SMAP1: variants seen among roughly 807,000 people sequenced by gnomAD.
SMAP1 encodes the protein small ArfGAP 1.
A neutral mutation model predicts 58.5 loss-of-function variants in SMAP1; 24 were observed. The observed-to-expected ratio is 0.41, with a 90% CI of 0.30 to 0.58. The LOEUF is 0.58. Among genes scored for constraint, SMAP1 ranks in the 20% least tolerant of loss-of-function variants. SMAP1 has a pLI of 0.29. For synonymous variants in SMAP1, 216 were observed against 196.6 expected (o/e 1.10, Z -0.82); for missense variants, 563 against 566.3 (o/e 0.99, Z 0.06).
At chr6:70,806,563 C>A (rs992764951) in intron 6 of SMAP1, among the ~76,000 whole-genome samples, 1 of 152,174 alleles carries the variant, frequency 6.6e-6, no homozygotes, top group Non-Finnish European at 1.5e-5. Flanking sequence ...GTTGGAAATG[C>A]AGAAATCACC....
intron 3 of SMAP1, among the ~76,000 whole-genome samples, chr6:70,763,216 A>G (rs961987507): frequency 2.1e-5 from 3 of 142,958 alleles, no homozygotes; most frequent in Non-Finnish European, 4.5e-5. Flanking sequence ...TTGGGTCTCC[A>G]TGTCACACTT....
At chr6:70,784,401 G>A (rs1375874139) in intron 4 of SMAP1, among the ~76,000 whole-genome samples, 1 of 152,122 alleles carries the variant, frequency 6.6e-6, no homozygotes, top group African/African-American at 2.4e-5. Flanking sequence ...CAACTAACAA[G>A]CAAAATAACC....
At chr6:70,802,872 G>A (rs12203443) in intron 6 of SMAP1, among the ~76,000 whole-genome samples, 66,807 of 151,792 alleles carry the variant, frequency 0.44, 14,973 homozygotes, top group South Asian at 0.5. Context: ...GATCGTGGTG[G>A]ATAAGCTTTT....
At chr6:70,847,328 C>T (rs1156446504) in intron 7 of SMAP1, among the ~76,000 whole-genome samples, 1 of 152,136 alleles carries the variant, frequency 6.6e-6, no homozygotes, top group African/African-American at 2.4e-5. Context: ...GCCTTCTGTT[C>T]TTGGAAGTTG....
intron 2 of SMAP1, among the ~76,000 whole-genome samples, chr6:70,746,858 T>G (rs969109592): frequency 6.6e-6 from 1 of 152,174 alleles, no homozygotes; most frequent in African/African-American, 2.4e-5. Flanking sequence ...GAGGCTGATT[T>G]AAGTCTAAAT....
At chr6:70,771,509 T>C (rs897673284) in intron 3 of SMAP1, among the ~76,000 whole-genome samples, 4 of 152,200 alleles carry the variant, frequency 2.6e-5, no homozygotes, top group African/African-American at 9.6e-5. Context: ...CTCAGATTGC[T>C]GTGCCAGCAA....
At chr6:70,859,540 C>CT (rs1771608108) in intron 10 of SMAP1, 2 of 620,608 alleles carry the variant, frequency 3.2e-6, no homozygotes, top group Non-Finnish European at 5.3e-6. Flanking sequence ...CAGTCTAACT[C>CT]TGAGTGTAAG....
At chr6:70,767,511 A>G (rs1345075846) in intron 3 of SMAP1, among the ~76,000 whole-genome samples, 5 of 152,134 alleles carry the variant, frequency 3.3e-5, no homozygotes, top group African/African-American at 1.2e-4. Context: ...CTTTGAAGCA[A>G]TTGTGCATGG....
In SMAP1 at chr6:70,860,066, A is replaced by G. The variant is rs1022171172; in HGVS notation, c.1270-134A>G. The G allele has an allele frequency of 1.5e-5, 15 of 969,186 alleles. No homozygotes were observed. In the Admixed American group the frequency reaches 2.9e-4, roughly 18 times the overall value. The allele number at this position is 969,186 out of a possible 1,614,324, so 60.0% of individuals were successfully genotyped here. A position where few individuals can be genotyped will look rare whatever the true frequency, so the allele number is the denominator to read the frequency against. On this transcript the variant is annotated intron_variant, in intron 10 of 10. Coordinates refer to ENST00000370455, the MANE Select transcript of SMAP1 (RefSeq NM_001044305.3). ...GCTATTTGCTTTAAGAAATATTTGT[A>G]TGGTACTCTGTTTTTATTCCAGTGC...
At chr6:70,802,733 T>C (rs545370735) in intron 6 of SMAP1, among the ~76,000 whole-genome samples, 7 of 152,282 alleles carry the variant, frequency 4.6e-5, no homozygotes, top group East Asian at 3.9e-4. Context: ...TGAATTTTGT[T>C]GAAGGCCTTT....
chr6:70,684,162 A>G (rs1766837092), intron 1 of SMAP1, among the ~76,000 whole-genome samples: 1 of 152,240 alleles, frequency 6.6e-6, no homozygotes. Flanking sequence ...AGTAATGTAA[A>G]CATGTTTTCA....
intron 4 of SMAP1, among the ~76,000 whole-genome samples, chr6:70,781,380 A>C (rs1767758284): frequency 1.3e-5 from 2 of 152,104 alleles, no homozygotes; most frequent in Admixed American, 1.3e-4. Context: ...TAATTTAGTA[A>C]ATGTTTACGT....
intron 2 of SMAP1, among the ~76,000 whole-genome samples, chr6:70,737,836 A>T (rs923160267): frequency 1.3e-5 from 2 of 152,150 alleles, no homozygotes; most frequent in Non-Finnish European, 2.9e-5. Flanking sequence ...CTGTATTTTT[A>T]TATAGTCTCT....
intron 1 of SMAP1, among the ~76,000 whole-genome samples, chr6:70,695,700 G>C (rs1767373550): frequency 6.6e-6 from 1 of 152,126 alleles, no homozygotes; most frequent in Non-Finnish European, 1.5e-5. Flanking sequence ...ATTTTGTTGA[G>C]GATTTTTGCG....
At chr6:70,761,852 C>T (rs997779331) in intron 3 of SMAP1, among the ~76,000 whole-genome samples, 2 of 152,006 alleles carry the variant, frequency 1.3e-5, no homozygotes, top group Admixed American at 6.6e-5. Context: ...TAAATTCATA[C>T]GTTAAATTCT....
intron 4 of SMAP1, among the ~76,000 whole-genome samples, chr6:70,784,060 G>A (rs1234992100): frequency 2.0e-5 from 3 of 152,138 alleles, no homozygotes; most frequent in East Asian, 1.9e-4. Context: ...GAGAAAGGTC[G>A]GGTTACCCAC....
chr6:70,853,104 G>A (rs1771250739), intron 8 of SMAP1, among the ~76,000 whole-genome samples: 1 of 152,022 alleles, frequency 6.6e-6, no homozygotes, highest in Admixed American at 6.5e-5. Flanking sequence ...TGTAAATATT[G>A]ACTGCAGAAG....
At chr6:70,703,890 A>G (rs1767736692) in intron 1 of SMAP1, among the ~76,000 whole-genome samples, 1 of 152,160 alleles carries the variant, frequency 6.6e-6, no homozygotes, top group East Asian at 1.9e-4. Context: ...CATGGCCTAG[A>G]CACTTTCCCT....
intron 3 of SMAP1, among the ~76,000 whole-genome samples, chr6:70,762,506 G>T (rs886299118): frequency 1.3e-5 from 2 of 152,036 alleles, no homozygotes; most frequent in Admixed American, 1.3e-4. Flanking sequence ...AATATACAAG[G>T]ACTGTGTGAG....
Sources: gnomAD v4.1 joint callset for allele counts (sites outside exome capture counted in the v4.1 genomes callset) on GRCh38, gnomAD v4.1.1 for gene constraint, MANE v1.5 for transcripts, NCBI Gene and HGNC (gene_info 2026-07-23, HGNC 2026-07-21) for gene names.